GRIK2: variants seen among roughly 807,000 people sequenced by gnomAD.
GRIK2 encodes glutamate ionotropic receptor kainate type subunit 2, also known as glutamate receptor ionotropic, kainate 2.
Under a neutral mutation model 100.3 loss-of-function variants are expected in GRIK2, and 32 were observed. The observed-to-expected ratio is 0.32, with a 90% CI of 0.24 to 0.43. The LOEUF is 0.43. Among genes scored for constraint, GRIK2 ranks in the 20% least tolerant of loss-of-function variants. The pLI, the probability that GRIK2 is intolerant of heterozygous loss-of-function variation, is 1.00. For missense variants in GRIK2, 843 were observed against 1,114.9 expected, an observed-to-expected ratio of 0.76 and a Z score of 3.47; for synonymous variants, 417 against 389.4, an observed-to-expected ratio of 1.07 and a Z score of -0.83.
In GRIK2 at chr6:102,006,828, T is replaced by A. The variant is rs9485582; in HGVS notation, c.2086-28513T>A. ...TATAATAAAATCGCAAATAATCATATCTTATTGTTTGATATTACTATCATA... is the reference window on the plus strand; with the variant it reads ...TATAATAAAATCGCAAATAATCATAACTTATTGTTTGATATTACTATCATA... On this transcript the variant is annotated intron_variant, in intron 14 of 16. Coordinates refer to ENST00000369134, the MANE Select transcript of GRIK2 (RefSeq NM_021956.5). Among the ~76,000 whole-genome samples the A allele has an allele frequency of 7.2e-3, 1,090 of 152,234 alleles. 14 individuals are homozygous for A. Among genetic ancestry groups the A allele is most frequent in the African/African-American group, 0.025 (1,054 of 41,558 alleles).
intron 7 of GRIK2, among the ~76,000 whole-genome samples, chr6:101,756,107 C>T (rs1245060342): frequency 6.6e-6 from 1 of 152,104 alleles, no homozygotes; most frequent in Non-Finnish European, 1.5e-5. Flanking sequence ...CAACATGATG[C>T]CATTCCTTGT....
At chr6:101,543,773 A>C (rs1776110536) in intron 2 of GRIK2, among the ~76,000 whole-genome samples, 1 of 152,216 alleles carries the variant, frequency 6.6e-6, no homozygotes, top group Admixed American at 6.5e-5. Flanking sequence ...TTATTTTTAA[A>C]GTGCTTAAAC....
At chr6:101,809,024 T>C (rs980710021) in intron 9 of GRIK2, among the ~76,000 whole-genome samples, 1 of 151,592 alleles carries the variant, frequency 6.6e-6, no homozygotes, top group Admixed American at 6.6e-5. Flanking sequence ...AAATAGTATT[T>C]ATAAATAATA....
At chr6:101,452,600 A>G (rs1770774436) in intron 2 of GRIK2, among the ~76,000 whole-genome samples, 1 of 151,860 alleles carries the variant, frequency 6.6e-6, no homozygotes, top group Non-Finnish European at 1.5e-5. Flanking sequence ...TGGCAATGAT[A>G]CATACAAAGA....
intron 2 of GRIK2, among the ~76,000 whole-genome samples, chr6:101,571,980 A>G (rs1404886473): frequency 3.3e-5 from 5 of 152,116 alleles, no homozygotes; most frequent in African/African-American, 7.2e-5. Context: ...TTGAAAGTCT[A>G]TCATCTTCAA....
intron 10 of GRIK2, among the ~76,000 whole-genome samples, chr6:101,839,582 T>C (rs2128433499): frequency 6.6e-6 from 1 of 152,114 alleles, no homozygotes; most frequent in South Asian, 2.1e-4. Flanking sequence ...AAGTTGGGGG[T>C]TTTAAAGATC....
intron 2 of GRIK2, among the ~76,000 whole-genome samples, chr6:101,400,002 C>G (rs906809374): frequency 1.3e-5 from 2 of 152,204 alleles, no homozygotes; most frequent in African/African-American, 4.8e-5. Context: ...TTCTACTTAA[C>G]ACAGGGAGGC....
intron 7 of GRIK2, among the ~76,000 whole-genome samples, chr6:101,763,380 T>C (rs1777849662): frequency 6.6e-6 from 1 of 152,212 alleles, no homozygotes; most frequent in African/African-American, 2.4e-5. Flanking sequence ...AGTCACTCTT[T>C]GTTAGTTGCT....
At chr6:101,889,280 G>T (rs1195536293) in intron 11 of GRIK2, among the ~76,000 whole-genome samples, 2 of 151,756 alleles carry the variant, frequency 1.3e-5, no homozygotes, top group Admixed American at 1.3e-4. Context: ...ATATTAAATA[G>T]ATTTTTAAAG....
At position 101,484,570 on chromosome 6, in the gene GRIK2, T is replaced by C. The variant is rs867852570; in HGVS notation, c.115+85178T>C. ...ACACACACACACACACACACACACA[T>C]ATATATGGGATATGCTAAGTTGGTA... On this transcript the variant is annotated intron_variant, in intron 2 of 16. Coordinates refer to ENST00000369134, the MANE Select transcript of GRIK2 (RefSeq NM_021956.5). 7.4e-3 allele frequency among the ~76,000 whole-genome samples: 921 copies of C among 124,392 alleles called. 5 individuals carry two copies. The highest frequency in any genetic ancestry group is 0.023 in the African/African-American group (811 of 35,816). The allele number at this position is 124,392 out of a possible 152,430, so 81.6% of individuals were successfully genotyped here. A position where few individuals can be genotyped will look rare whatever the true frequency, so the allele number is the denominator to read the frequency against.
chr6:101,679,401 A>T (rs141263454), intron 5 of GRIK2, among the ~76,000 whole-genome samples: 8 of 152,310 alleles, frequency 5.3e-5, no homozygotes, highest in African/African-American at 1.9e-4. Context: ...TGGGGTTTCT[A>T]ATAATATTTT....
intron 2 of GRIK2, among the ~76,000 whole-genome samples, chr6:101,422,364 C>G (rs1219417743): frequency 2.0e-5 from 3 of 152,110 alleles, no homozygotes; most frequent in African/African-American, 7.2e-5. Context: ...ATATTTTTCT[C>G]CTGGAGTCCT....
At chr6:101,979,812 A>G (rs549277052) in intron 14 of GRIK2, among the ~76,000 whole-genome samples, 1 of 152,078 alleles carries the variant, frequency 6.6e-6, no homozygotes, top group East Asian at 2.0e-4. Context: ...TCACTCATCA[A>G]ATATTCATTG....
chr6:102,059,131 AG>A (rs1771616359), intron 16 of GRIK2, among the ~76,000 whole-genome samples: 1 of 151,236 alleles, frequency 6.6e-6, no homozygotes, highest in Non-Finnish European at 1.5e-5. Flanking sequence ...TTTTTAAATG[AG>A]GGCAGGTTAA....
intron 5 of GRIK2, among the ~76,000 whole-genome samples, chr6:101,680,536 G>C (rs1771165950): frequency 6.6e-6 from 1 of 152,054 alleles, no homozygotes; most frequent in Non-Finnish European, 1.5e-5. Context: ...CTGACTTCTA[G>C]GGTTTTTATG....
At chr6:101,403,051 G>A (rs1157210242) in intron 2 of GRIK2, among the ~76,000 whole-genome samples, 1 of 152,234 alleles carries the variant, frequency 6.6e-6, no homozygotes, top group Non-Finnish European at 1.5e-5. Flanking sequence ...AGGGAGCTCA[G>A]AAGCCAGCTC....
intron 14 of GRIK2, among the ~76,000 whole-genome samples, chr6:101,960,042 T>A (rs763693965): frequency 4.5e-5 from 6 of 133,628 alleles, no homozygotes; most frequent in South Asian, 2.3e-4. Context: ...AAAGCCTTTT[T>A]TTAGTGTTTT....
At chr6:101,465,252 C>T (rs1046701464) in intron 2 of GRIK2, among the ~76,000 whole-genome samples, 2 of 152,078 alleles carry the variant, frequency 1.3e-5, no homozygotes, top group Non-Finnish European at 2.9e-5. Flanking sequence ...TAAGTAATTT[C>T]TCATCTCTTC....
chr6:101,419,468 A>G (rs1044843350), intron 2 of GRIK2, among the ~76,000 whole-genome samples: 1 of 152,310 alleles, frequency 6.6e-6, no homozygotes, highest in East Asian at 1.9e-4. Context: ...TATTTTATAG[A>G]CCAAATATTA....
Sources: allele counts gnomAD v4.1 joint callset (sites outside exome capture counted in the v4.1 genomes callset), GRCh38; gene constraint gnomAD v4.1.1; transcripts MANE v1.5; gene names NCBI Gene and HGNC (gene_info 2026-07-23, HGNC 2026-07-21).